Variants in TENM2 observed in about 807,000 individuals in gnomAD.
TENM2 encodes the protein teneurin transmembrane protein 2, also known as teneurin-2.
In TENM2, 52 loss-of-function variants were observed where a neutral mutation model predicts 245.2. The observed-to-expected ratio is 0.21, with a 90% confidence interval of 0.17 to 0.27. TENM2 has a LOEUF of 0.27. TENM2 is among the 10% of genes least tolerant of loss of function. TENM2 has a pLI of 1.00. For synonymous variants in TENM2, 1,363 were observed against 1,438.9 expected (o/e 0.95, Z 1.19); for missense variants, 3,046 against 3,666.8 (o/e 0.83, Z 4.37).
intron 5 of TENM2, among the ~76,000 whole-genome samples, chr5:168,019,754 A>G (rs1022364498): frequency 1.3e-5 from 2 of 152,232 alleles, no homozygotes; most frequent in Non-Finnish European, 2.9e-5. Context: ...AGTTATTTTC[A>G]TGCATGTAAT....
In TENM2 at chr5:167,605,118, A is replaced by G. The variant is rs144742259; in HGVS notation, c.502+229645A>G. On this transcript the variant is annotated intron_variant, in intron 2 of 28. Coordinates refer to ENST00000518659, the Ensembl canonical transcript of TENM2. The stretch of plus-strand genomic sequence containing the variant: ...ATGCTGTCCAGGCCACATCACGCAT[A>G]TGCTCCTAAAACATACTGAGCATTT... Among the ~76,000 whole-genome samples, 51 of 152,260 alleles carry G rather than the reference A, an allele frequency of 3.3e-4. 1 individual carries two copies. The highest frequency in any genetic ancestry group is 1.1e-3 in the African/African-American group (44 of 41,552).
intron 2 of TENM2, among the ~76,000 whole-genome samples, chr5:167,681,741 G>T (rs1426056408): frequency 6.6e-6 from 1 of 152,026 alleles, no homozygotes; most frequent in Non-Finnish European, 1.5e-5. Flanking sequence ...GTACCAATTT[G>T]TTATCCCACC....
At chr5:168,255,318 T>C (rs917574104) in intron 27 of TENM2, among the ~76,000 whole-genome samples, 1 of 152,112 alleles carries the variant, frequency 6.6e-6, no homozygotes, top group African/African-American at 2.4e-5. Flanking sequence ...CTTTTTTTCC[T>C]TGAGACAGAG....
At chr5:167,399,299 A>G (rs1007034963) in intron 2 of TENM2, among the ~76,000 whole-genome samples, 1 of 152,188 alleles carries the variant, frequency 6.6e-6, no homozygotes, top group African/African-American at 2.4e-5. Flanking sequence ...CAAAGCCAAT[A>G]ATAAGCCAGG....
chr5:167,734,566 G>A (rs6898153), intron 2 of TENM2, among the ~76,000 whole-genome samples: 14,773 of 150,918 alleles, frequency 0.098, 1,229 homozygotes, highest in East Asian at 0.38. Context: ...AGGCTGCTTC[G>A]TTTTATCCTT....
chr5:167,617,706 T>C (rs1777878706), intron 2 of TENM2, among the ~76,000 whole-genome samples: 1 of 152,140 alleles, frequency 6.6e-6, no homozygotes, highest in Non-Finnish European at 1.5e-5. Context: ...CCAGCGAGCC[T>C]AATGCTATGC....
chr5:168,079,080 T>C (rs1368667636), intron 7 of TENM2, among the ~76,000 whole-genome samples: 3 of 152,220 alleles, frequency 2.0e-5, no homozygotes, highest in African/African-American at 7.2e-5. Flanking sequence ...TGTTCTTCCA[T>C]TTGTTTGTGT....
exon 29 of TENM2, chr5:168,262,879 G>C: frequency 1.4e-6 from 2 of 1,435,650 alleles, no homozygotes; most frequent in Non-Finnish European, 1.9e-6. Context: ...CTCTCCTAAG[G>C]AGATGAAGAC....
the TENM2 span, among the ~76,000 whole-genome samples, chr5:166,993,517 A>T: frequency 2.0e-5 from 3 of 152,212 alleles, no homozygotes; most frequent in African/African-American, 7.2e-5. Context: ...AGGGAGACAG[A>T]TGCTGCGGTT....
chr5:168,256,092 C>G (rs1188058077), intron 27 of TENM2, among the ~76,000 whole-genome samples: 2 of 152,054 alleles, frequency 1.3e-5, no homozygotes, highest in African/African-American at 4.8e-5. Flanking sequence ...GCGTGAGCCA[C>G]CGCGCCTGGC....
intron 3 of TENM2, among the ~76,000 whole-genome samples, chr5:167,906,231 G>A (rs1776076613): frequency 6.6e-6 from 1 of 152,162 alleles, no homozygotes; most frequent in African/African-American, 2.4e-5. Context: ...ACATTACACA[G>A]TTCAGATTTA....
the TENM2 span, among the ~76,000 whole-genome samples, chr5:167,263,089 G>A: frequency 2.0e-5 from 3 of 152,072 alleles, no homozygotes; most frequent in Non-Finnish European, 4.4e-5. Flanking sequence ...CTATCTGAGG[G>A]GTTAGGTTTC....
chr5:167,450,022 G>C (rs960246509), intron 2 of TENM2, among the ~76,000 whole-genome samples: 1 of 152,088 alleles, frequency 6.6e-6, no homozygotes, highest in African/African-American at 2.4e-5. Context: ...ACAGTTGGTG[G>C]GTGGATGGAT....
intron 5 of TENM2, among the ~76,000 whole-genome samples, chr5:168,018,248 C>T (rs1311430757): frequency 6.6e-6 from 1 of 152,138 alleles, no homozygotes. Flanking sequence ...TTTTTTCTCT[C>T]TCTGAATTTA....
chr5:167,121,401 G>T, the TENM2 span, among the ~76,000 whole-genome samples: 1 of 152,188 alleles, frequency 6.6e-6, no homozygotes, highest in South Asian at 2.1e-4. Context: ...AGCCAGTTAG[G>T]CCAAGATCTG....
chr5:167,343,459 G>A (rs972482366), intron 1 of TENM2, among the ~76,000 whole-genome samples: 1 of 152,142 alleles, frequency 6.6e-6, no homozygotes, highest in East Asian at 1.9e-4. Flanking sequence ...GTATGGAGAA[G>A]AAATATTTTG....
At chr5:167,256,594 A>G in the TENM2 span, among the ~76,000 whole-genome samples, 1 of 152,196 alleles carries the variant, frequency 6.6e-6, no homozygotes, top group Non-Finnish European at 1.5e-5. Context: ...TTAGTAAAGC[A>G]TAATATAAAT....
intron 25 of TENM2, among the ~76,000 whole-genome samples, chr5:168,242,404 A>G (rs567039153): frequency 2.0e-5 from 3 of 152,302 alleles, no homozygotes; most frequent in African/African-American, 7.2e-5. Flanking sequence ...AGGGCACTCA[A>G]TGGACATACA....
At chr5:168,181,158 G>C (rs376566708) in intron 13 of TENM2, among the ~76,000 whole-genome samples, 4 of 152,310 alleles carry the variant, frequency 2.6e-5, no homozygotes, top group African/African-American at 9.6e-5. Context: ...ATTTTAACAA[G>C]GTCCCTGAGT....
Sources: gnomAD v4.1 joint callset for allele counts (sites outside exome capture counted in the v4.1 genomes callset) on GRCh38, gnomAD v4.1.1 for gene constraint, MANE v1.5 for transcripts, NCBI Gene and HGNC (gene_info 2026-07-23, HGNC 2026-07-21) for gene names.